Variants in CNBD1 observed in about 807,000 individuals in gnomAD.
CNBD1 encodes the protein cyclic nucleotide-binding domain-containing protein 1.
Under a neutral mutation model 54.4 loss-of-function variants are expected in CNBD1, and 71 were observed. The observed-to-expected ratio is 1.30, with a 90% CI of 1.08 to 1.59. CNBD1 has a LOEUF of 1.59. CNBD1 is among the 40% of genes most tolerant of loss of function. The probability of loss-of-function intolerance (pLI) is 0.00; values close to 1 mark genes in which losing one functional copy is unlikely to be tolerated. For missense variants in CNBD1, 659 were observed against 518.0 expected (o/e 1.27, Z -2.64); for synonymous variants, 182 against 170.7 (o/e 1.07, Z -0.51).
At chr8:87,176,577 C>G (rs1036988385) in intron 4 of CNBD1, among the ~76,000 whole-genome samples, 1 of 151,374 alleles carries the variant, frequency 6.6e-6, no homozygotes, top group Admixed American at 6.6e-5. Flanking sequence ...CTCTGCCTCC[C>G]GGGTTCAAGC....
intron 5 of CNBD1, among the ~76,000 whole-genome samples, chr8:87,228,074 C>T (rs1188745900): frequency 6.6e-6 from 1 of 151,750 alleles, no homozygotes; most frequent in Non-Finnish European, 1.5e-5. Flanking sequence ...GTTCTCGAGC[C>T]TTGGTTTTCA....
At chr8:86,964,574 TC>T (rs1457078064) in intron 4 of CNBD1, among the ~76,000 whole-genome samples, 2 of 152,100 alleles carry the variant, frequency 1.3e-5, no homozygotes, top group Non-Finnish European at 1.5e-5. Flanking sequence ...CCTGCTTGGA[TC>T]CCCCTTAATT....
intron 2 of CNBD1, among the ~76,000 whole-genome samples, chr8:87,398,405 T>G (rs758300432): frequency 6.6e-5 from 10 of 151,872 alleles, no homozygotes; most frequent in Non-Finnish European, 1.3e-4. Flanking sequence ...ATGAGCCTAT[T>G]TGTGGACCAG....
At chr8:86,939,948 T>G (rs13248426) in intron 4 of CNBD1, 194 bp downstream of exon 4, 4 of 386,066 alleles carry the variant, frequency 1.0e-5, no homozygotes, top group African/African-American at 2.1e-5. Flanking sequence ...TCTTCAATGG[T>G]GTATCACGGA....
chr8:86,974,297 A>G (rs1486071879), intron 4 of CNBD1, among the ~76,000 whole-genome samples: 2 of 152,120 alleles, frequency 1.3e-5, no homozygotes, highest in Admixed American at 6.6e-5. Context: ...GTTACATGCT[A>G]ATTTTGGGAG....
At chr8:87,022,836 G>A (rs1364443616) in intron 4 of CNBD1, among the ~76,000 whole-genome samples, 1 of 152,140 alleles carries the variant, frequency 6.6e-6, no homozygotes, top group African/African-American at 2.4e-5. Context: ...GATGGAGACA[G>A]TTTGAAATTT....
In CNBD1 at chr8:87,323,488, TG is replaced by T. The variant is rs1021181236; in HGVS notation, c.1043-28195del. Among the ~76,000 whole-genome samples, 22 of 122,864 alleles carry T rather than the reference TG, an allele frequency of 1.8e-4. 3 individuals carry two copies. Among genetic ancestry groups the T allele is most frequent in the African/African-American group, 4.2e-4 (14 of 33,050 alleles). 80.6% of individuals were successfully genotyped at this position (122,864 alleles called of 152,430 possible). A position where few individuals can be genotyped will look rare whatever the true frequency, so the allele number is the denominator to read the frequency against. On this transcript the variant is annotated intron_variant, in intron 8 of 10. Coordinates refer to ENST00000518476, the MANE Select transcript of CNBD1 (RefSeq NM_173538.3). ...TATCCTCTTTTATTTCCTTGAGCAGTGGTTTGTAGTTCTTGAAGAGGTCCTT... is the reference window on the plus strand; with the variant it reads ...TATCCTCTTTTATTTCCTTGAGCAGTGTTTGTAGTTCTTGAAGAGGTCCTT...
At chr8:87,020,924 C>T (rs1022092987) in intron 4 of CNBD1, among the ~76,000 whole-genome samples, 10 of 152,172 alleles carry the variant, frequency 6.6e-5, no homozygotes, top group African/African-American at 1.9e-4. Context: ...AAAACTTGGC[C>T]TCCACAATCC....
chr8:87,271,256 G>A (rs953012335), intron 6 of CNBD1, among the ~76,000 whole-genome samples: 3 of 150,540 alleles, frequency 2.0e-5, no homozygotes, highest in Non-Finnish European at 4.4e-5. Context: ...TTTTTTTTCA[G>A]TCTCAATTTC....
rs1807861427 is a variant in CNBD1, at chr8:86,959,147, T to G, written c.431+19393T>G. 2.6e-5 allele frequency among the ~76,000 whole-genome samples: 4 copies of G among 152,218 alleles called. No individual in the cohort carries two copies. In the South Asian group the frequency reaches 8.3e-4, roughly 31 times the overall value. On this transcript the variant is annotated intron_variant, in intron 4 of 10. Coordinates refer to ENST00000518476, the MANE Select transcript of CNBD1 (RefSeq NM_173538.3). ...GGATATGAAATTCTGGGTTGAAAAT[T>G]CTTTTCTTTAAGAATGTTGAATATT...
chr8:87,416,131 A>G (rs1807830059), intron 2 of CNBD1, among the ~76,000 whole-genome samples: 1 of 151,898 alleles, frequency 6.6e-6, no homozygotes. Flanking sequence ...ATTTTTAACA[A>G]TATATCTTCA....
chr8:87,388,686 G>A (rs925063121), intron 2 of CNBD1, among the ~76,000 whole-genome samples: 1 of 152,148 alleles, frequency 6.6e-6, no homozygotes, highest in African/African-American at 2.4e-5. Context: ...GGAGGAGCTG[G>A]TACCATTCCT....
chr8:87,116,949 T>C (rs1290246409), intron 4 of CNBD1, among the ~76,000 whole-genome samples: 1 of 152,226 alleles, frequency 6.6e-6, no homozygotes, highest in Non-Finnish European at 1.5e-5. Context: ...TTACTTACTC[T>C]TTCTGTTTTT....
At chr8:87,005,347 G>A (rs923962566) in intron 4 of CNBD1, among the ~76,000 whole-genome samples, 13 of 151,644 alleles carry the variant, frequency 8.6e-5, no homozygotes, top group Non-Finnish European at 1.8e-4. Flanking sequence ...TCCAGCCTGG[G>A]CAACAGAGCG....
intron 4 of CNBD1, among the ~76,000 whole-genome samples, chr8:86,955,689 T>C (rs918803689): frequency 2.6e-5 from 4 of 152,214 alleles, no homozygotes; most frequent in Non-Finnish European, 5.9e-5. Flanking sequence ...TGTTTGATTT[T>C]TCCTTGTAAA....
chr8:87,269,454 GA>G (rs1386633338), intron 6 of CNBD1, among the ~76,000 whole-genome samples: 2 of 152,136 alleles, frequency 1.3e-5, no homozygotes, highest in South Asian at 4.1e-4. Context: ...CTAATTCTGT[GA>G]AAAAATGATG....
chr8:87,052,272 C>T (rs184846804), intron 4 of CNBD1, among the ~76,000 whole-genome samples: 1 of 152,282 alleles, frequency 6.6e-6, no homozygotes. Context: ...GCTTCCATAG[C>T]TTCCTTCTGA....
chr8:87,051,163 G>A (rs1202162363), intron 4 of CNBD1, among the ~76,000 whole-genome samples: 1 of 152,186 alleles, frequency 6.6e-6, no homozygotes, highest in African/African-American at 2.4e-5. Flanking sequence ...TCCAACTACA[G>A]CTGAGGGTCT....
intron 1 of CNBD1, among the ~76,000 whole-genome samples, chr8:86,870,371 A>T (rs1417002284): frequency 1.3e-5 from 2 of 151,030 alleles, no homozygotes; most frequent in African/African-American, 4.9e-5. Flanking sequence ...ATTTTTTTGT[A>T]TTTTTTTAGT....
Sources: gnomAD v4.1 joint callset for allele counts (sites outside exome capture counted in the v4.1 genomes callset) on GRCh38, gnomAD v4.1.1 for gene constraint, MANE v1.5 for transcripts, NCBI Gene and HGNC (gene_info 2026-07-23, HGNC 2026-07-21) for gene names.